SYTL5: variants seen among roughly 807,000 people sequenced by gnomAD.
SYTL5 encodes the protein synaptotagmin like 5, also known as synaptotagmin-like protein 5.
Under a neutral mutation model 55.9 loss-of-function variants are expected in SYTL5, and 34 were observed. That is an observed-to-expected ratio of 0.61 (90% confidence interval 0.46 to 0.81). The LOEUF is 0.81. SYTL5 is among the 30% of genes least tolerant of loss of function. The pLI is 0.00. For synonymous variants in SYTL5, 221 were observed against 188.7 expected (o/e 1.17, Z -1.40); for missense variants, 637 against 546.7 (o/e 1.17, Z -1.65).
At chrX:37,905,571 C>T in the SYTL5 span, among the ~76,000 whole-genome samples, 8 of 110,803 alleles carry the variant, frequency 7.2e-5, no homozygotes, top group Non-Finnish European at 1.5e-4. Context: ...TCCGGAGCCA[C>T]CACAAGGTGG....
At chrX:37,935,678 AGTTTGTTTT>A in the SYTL5 span, among the ~76,000 whole-genome samples, 1 of 112,193 alleles carries the variant, frequency 8.9e-6, no homozygotes, top group African/African-American at 3.2e-5. Context: ...AATTTGAGCC[AGTTTGTTTT>A]AAGTTAAGAT....
intron 1 of SYTL5, among the ~76,000 whole-genome samples, chrX:38,017,621 T>G (rs1009179886): frequency 3.7e-5 from 4 of 109,546 alleles, no homozygotes; most frequent in Non-Finnish European, 5.7e-5. Context: ...CATGGCCCGA[T>G]AACGAGATTC....
intron 6 of SYTL5, among the ~76,000 whole-genome samples, chrX:38,083,530 G>A (rs1405705921): frequency 9.0e-6 from 1 of 111,671 alleles, no homozygotes; most frequent in Admixed American, 9.5e-5. Flanking sequence ...TTTCCAAAAA[G>A]GAAAAGGAAG....
intron 9 of SYTL5, among the ~76,000 whole-genome samples, chrX:38,100,765 G>A (rs1158732190): frequency 9.0e-6 from 1 of 110,943 alleles, no homozygotes; most frequent in African/African-American, 3.3e-5. Context: ...ATAAGCACGT[G>A]GAGATATGTT....
chrX:38,117,619 A>G (rs1313189134), intron 13 of SYTL5, among the ~76,000 whole-genome samples: 1 of 111,927 alleles, frequency 8.9e-6, no homozygotes, highest in Non-Finnish European at 1.9e-5. Context: ...GTTCTCACTT[A>G]GGGTTTCTGG....
chrX:38,054,769 C>A (rs1290897007), intron 3 of SYTL5, among the ~76,000 whole-genome samples: 1 of 111,137 alleles, frequency 9.0e-6, no homozygotes, highest in Non-Finnish European at 1.9e-5. Flanking sequence ...CTCACTCTCA[C>A]CCTGGCTGGA....
intron 12 of SYTL5, 146 bp from the exon 13 acceptor site, chrX:38,110,175 A>T (rs889240412): frequency 7.9e-6 from 3 of 379,616 alleles, no homozygotes; most frequent in Non-Finnish European, 1.3e-5. Context: ...GCAGAAACAA[A>T]GAAAAACAAA....
At chrX:38,091,535 G>A (rs1936799430) in intron 7 of SYTL5, among the ~76,000 whole-genome samples, 1 of 111,288 alleles carries the variant, frequency 9.0e-6, no homozygotes, top group South Asian at 3.8e-4. Flanking sequence ...GCAGTATGCG[G>A]GGGCCCTTCT....
At chrX:37,942,513 A>T in the SYTL5 span, among the ~76,000 whole-genome samples, 5 of 110,934 alleles carry the variant, frequency 4.5e-5, no homozygotes, top group Non-Finnish European at 7.6e-5. Context: ...ATCTCTAAGA[A>T]CTCCCCACAG....
chrX:38,121,031 G>A (rs1937566346), intron 14 of SYTL5, among the ~76,000 whole-genome samples: 2 of 111,756 alleles, frequency 1.8e-5, no homozygotes, highest in African/African-American at 3.3e-5. Context: ...ATCTGTGTCT[G>A]AGGAGGCCTC....
the SYTL5 span, among the ~76,000 whole-genome samples, chrX:37,994,185 A>T: frequency 8.9e-6 from 1 of 112,083 alleles, no homozygotes; most frequent in Non-Finnish European, 1.9e-5. Flanking sequence ...GACACCAATG[A>T]CATCAAAAAG....
At chrX:38,097,743 A>G (rs995765732) in intron 9 of SYTL5, among the ~76,000 whole-genome samples, 23 of 110,005 alleles carry the variant, frequency 2.1e-4, no homozygotes, top group African/African-American at 7.5e-4. Context: ...GACCCAGAAT[A>G]ACAAAATCAA....
At chrX:37,938,057 A>G in the SYTL5 span, among the ~76,000 whole-genome samples, 1 of 112,321 alleles carries the variant, frequency 8.9e-6, no homozygotes, top group Non-Finnish European at 1.9e-5. Flanking sequence ...TGAATACATG[A>G]TATATGTGCA....
the SYTL5 span, among the ~76,000 whole-genome samples, chrX:37,958,217 A>AC: frequency 0.013 from 1,481 of 110,730 alleles, 23 homozygotes; most frequent in African/African-American, 0.046. Flanking sequence ...TCAAAAAAAA[A>AC]AAAACAAAAA....
chrX:37,995,174 T>G, the SYTL5 span, among the ~76,000 whole-genome samples: 248 of 109,450 alleles, frequency 2.3e-3, no homozygotes, highest in Non-Finnish European at 3.8e-3. Context: ...TTGGCTGGGG[T>G]CCTCCGAGGC....
chrX:37,991,305 A>G, the SYTL5 span: 15 of 1,080,792 alleles, frequency 1.4e-5, no homozygotes, highest in Non-Finnish European at 1.7e-5. Flanking sequence ...TAAAGGATGT[A>G]AATCCATGAG....
At chrX:37,965,020 C>T in the SYTL5 span, among the ~76,000 whole-genome samples, 24 of 110,670 alleles carry the variant, frequency 2.2e-4, no homozygotes, top group Non-Finnish European at 4.2e-4. Flanking sequence ...TTTATCTTTC[C>T]ATAAAAACTC....
At chrX:38,033,128 T>C (rs758759167) in intron 1 of SYTL5, among the ~76,000 whole-genome samples, 1 of 111,366 alleles carries the variant, frequency 9.0e-6, no homozygotes, top group Non-Finnish European at 1.9e-5. Context: ...TTTTATGCTG[T>C]GGGCCTAGTT....
chrX:37,897,440 G>A, the SYTL5 span, among the ~76,000 whole-genome samples: 12 of 100,366 alleles, frequency 1.2e-4, no homozygotes, highest in Non-Finnish European at 2.0e-4. Flanking sequence ...CCGAGATCAT[G>A]CCACTGCACT....
Sources: allele counts gnomAD v4.1 joint callset (sites outside exome capture counted in the v4.1 genomes callset), GRCh38; gene constraint gnomAD v4.1.1; transcripts MANE v1.5; gene names NCBI Gene and HGNC (gene_info 2026-07-23, HGNC 2026-07-21).